ACYP2: variants seen among roughly 807,000 people sequenced by gnomAD.
The protein encoded by ACYP2 is acylphosphatase 2.
In ACYP2, 12 loss-of-function variants were observed where a neutral mutation model predicts 11.2. The observed-to-expected ratio is 1.08, with a 90% CI of 0.69 to 1.74. ACYP2 has a LOEUF of 1.74. ACYP2 is among the 40% of genes most tolerant of loss of function. ACYP2 has a pLI of 0.00. For missense variants in ACYP2, 134 were observed against 101.9 expected (o/e 1.31, Z -1.35); for synonymous variants, 43 against 32.2 (o/e 1.33, Z -1.13).
intron 3 of ACYP2, among the ~76,000 whole-genome samples, chr2:54,054,700 A>C (rs973077844): frequency 4.6e-5 from 7 of 152,236 alleles, no homozygotes; most frequent in Non-Finnish European, 1.0e-4. Context: ...CTTGTTCATA[A>C]AATAAGATGC....
At chr2:54,255,470 G>A (rs1687456421) in intron 6 of ACYP2, 5 of 1,613,896 alleles carry the variant, frequency 3.1e-6, no homozygotes, top group East Asian at 2.2e-5. Context: ...CCAAACCTGC[G>A]CTCCACCTGC....
intron 6 of ACYP2, among the ~76,000 whole-genome samples, chr2:54,154,007 AGTGTACAGAGCTTTCATCTCATTG>A (rs1215382628): frequency 6.6e-6 from 1 of 150,746 alleles, no homozygotes; most frequent in Admixed American, 6.6e-5. Flanking sequence ...TATATTTTTC[AGTGTACAGAGCTTTCATCTCATTG>A]GTTAAACTTA....
intron 4 of ACYP2, among the ~76,000 whole-genome samples, chr2:54,109,942 T>C (rs982672612): frequency 6.6e-6 from 1 of 152,180 alleles, no homozygotes; most frequent in Non-Finnish European, 1.5e-5. Flanking sequence ...CTCAAGTTCT[T>C]TTTCTGTCCC....
At chr2:54,058,900 A>C (rs1275469786) in intron 4 of ACYP2, among the ~76,000 whole-genome samples, 3 of 152,154 alleles carry the variant, frequency 2.0e-5, no homozygotes. Context: ...CTTTCCACCC[A>C]GATGGGGGTT....
rs1316422576 is a variant in ACYP2 at position 54,094,577 on chromosome 2, G to A, written c.277+37217G>A. ...GTTTGAGACATTGTCTTGCTCTATC[G>A]CCCAGGCTGGAAGGCAGTGGCACCA... is the stretch of plus-strand genomic sequence containing the variant. On this transcript the variant is annotated intron_variant, in intron 4 of 6. Coordinates refer to ENST00000607452, the MANE Select transcript of ACYP2 (RefSeq NM_001320586.2). Among the ~76,000 whole-genome samples, 5 of 148,684 alleles carry A rather than the reference G, an allele frequency of 3.4e-5. No homozygotes were observed. The East Asian group carries it at 6.0e-4, about 18-fold the overall frequency.
chr2:54,219,557 T>C (rs1239492540), intron 6 of ACYP2, among the ~76,000 whole-genome samples: 1 of 152,184 alleles, frequency 6.6e-6, no homozygotes, highest in African/African-American at 2.4e-5. Flanking sequence ...CACAGATTAG[T>C]TCATTCGAAT....
intron 2 of ACYP2, among the ~76,000 whole-genome samples, chr2:53,986,905 G>A (rs1672064370): frequency 6.6e-6 from 1 of 152,140 alleles, no homozygotes; most frequent in Non-Finnish European, 1.5e-5. Flanking sequence ...GATTATAGGT[G>A]TGAGCCACCG....
chr2:54,124,801 A>G (rs1260112467), intron 4 of ACYP2, among the ~76,000 whole-genome samples: 2 of 152,166 alleles, frequency 1.3e-5, no homozygotes, highest in East Asian at 3.8e-4. Flanking sequence ...CACAGGCTCA[A>G]TTGATCCTCC....
chr2:54,157,661 C>A (rs1682492549), intron 6 of ACYP2, among the ~76,000 whole-genome samples: 1 of 152,050 alleles, frequency 6.6e-6, no homozygotes, highest in South Asian at 2.1e-4. Flanking sequence ...TGTGGGAAGA[C>A]CCACAATAAA....
intron 6 of ACYP2, among the ~76,000 whole-genome samples, chr2:54,210,731 C>CTT (rs11432765): frequency 1.9e-3 from 294 of 150,972 alleles, no homozygotes; most frequent in African/African-American, 2.8e-3. Flanking sequence ...CTCATTAAGT[C>CTT]TTTTTTTTTC....
At chr2:54,205,522 C>G (rs1685039614) in intron 6 of ACYP2, among the ~76,000 whole-genome samples, 1 of 152,196 alleles carries the variant, frequency 6.6e-6, no homozygotes, top group South Asian at 2.1e-4. Flanking sequence ...TTTGAGATGG[C>G]TTGAGTTGAT....
chr2:54,248,884 C>T (rs944637457), intron 6 of ACYP2, among the ~76,000 whole-genome samples: 2 of 152,108 alleles, frequency 1.3e-5, no homozygotes, highest in African/African-American at 2.4e-5. Flanking sequence ...TTAGAAGATA[C>T]GGCATTTCAG....
chr2:54,215,765 A>G (rs1169636323), intron 6 of ACYP2, among the ~76,000 whole-genome samples: 1 of 152,186 alleles, frequency 6.6e-6, no homozygotes, highest in Admixed American at 6.5e-5. Context: ...CCCTGTAATC[A>G]TTACTAATGG....
At chr2:54,055,870 AAC>A (rs1303728577) in intron 3 of ACYP2, among the ~76,000 whole-genome samples, 3 of 152,366 alleles carry the variant, frequency 2.0e-5, no homozygotes, top group South Asian at 2.1e-4. Context: ...TGTTGTGATA[AAC>A]ACAGAGTCTA....
chr2:54,263,052 G>A (rs545951616), intron 6 of ACYP2, among the ~76,000 whole-genome samples: 1 of 152,166 alleles, frequency 6.6e-6, no homozygotes, highest in Non-Finnish European at 1.5e-5. Flanking sequence ...GACCCTGTGT[G>A]TTAGGTCATT....
intron 6 of ACYP2, among the ~76,000 whole-genome samples, chr2:54,212,222 A>C (rs1329207409): frequency 6.6e-6 from 1 of 152,148 alleles, no homozygotes; most frequent in Non-Finnish European, 1.5e-5. Context: ...GGGGGATGCA[A>C]AGTCTTTTAG....
At position 54,002,699 on chromosome 2, in the gene ACYP2, T is replaced by C. The variant is rs1408618596; in HGVS notation, c.62+28889T>C. ...GGAGTTTCGCTCTTGCTGCCCAGGC[T>C]GGAGTGCAATGGTGCGATTTCGGCT... is the stretch of plus-strand genomic sequence containing the variant. On this transcript the variant is annotated intron_variant, in intron 2 of 6. Coordinates refer to ENST00000607452, the MANE Select transcript of ACYP2 (RefSeq NM_001320586.2). 2.0e-5 allele frequency among the ~76,000 whole-genome samples: 3 copies of C among 150,852 alleles called. 1 individual carries two copies. Among genetic ancestry groups the C allele is most frequent in the African/African-American group, 7.4e-5 (3 of 40,690 alleles).
chr2:54,125,420 T>C (rs140676459), intron 4 of ACYP2, among the ~76,000 whole-genome samples: 1 of 151,970 alleles, frequency 6.6e-6, no homozygotes, highest in Non-Finnish European at 1.5e-5. Context: ...ATCCCAAAAA[T>C]ATAATCTGGA....
chr2:54,094,974 G>T (rs984743943), intron 4 of ACYP2, among the ~76,000 whole-genome samples: 2 of 151,682 alleles, frequency 1.3e-5, no homozygotes, highest in African/African-American at 2.4e-5. Flanking sequence ...GTGGAGGGAA[G>T]GTCAGCAGAT....
Sources: gnomAD v4.1 joint callset for allele counts (sites outside exome capture counted in the v4.1 genomes callset) on GRCh38, gnomAD v4.1.1 for gene constraint, MANE v1.5 for transcripts, NCBI Gene and HGNC (gene_info 2026-07-23, HGNC 2026-07-21) for gene names.